TUB: variants seen among roughly 807,000 people sequenced by gnomAD.
TUB encodes TUB bipartite transcription factor, also known as tubby protein homolog.
TUB carries 33 observed loss-of-function variants against 59.7 expected under a neutral mutation model. The observed-to-expected ratio is 0.55, with a 90% CI of 0.42 to 0.74. TUB has a LOEUF of 0.74. Among genes scored for constraint, TUB ranks in the 30% least tolerant of loss-of-function variants. The pLI, the probability that TUB is intolerant of heterozygous loss-of-function variation, is 0.00. For synonymous variants in TUB, 293 were observed against 256.4 expected (o/e 1.14, Z -1.36); for missense variants, 659 against 672.0 (o/e 0.98, Z 0.21).
At chr11:8,100,358 G>A (rs1944219171) in intron 9 of TUB, 145 bp from the exon 10 acceptor site, 4 of 671,210 alleles carry the variant, frequency 6.0e-6, no homozygotes, top group Non-Finnish European at 1.1e-5. Context: ...CTCAGTTCTG[G>A]CCGTGTTAGG....
At chr11:8,063,257 C>T (rs565093800) in intron 2 of TUB, among the ~76,000 whole-genome samples, 53 of 152,296 alleles carry the variant, frequency 3.5e-4, no homozygotes, top group African/African-American at 1.0e-3. Context: ...GAAATCTCCT[C>T]CACGGAGTTC....
At chr11:8,077,257 C>T (rs1334136706), upstream of TUB, 1 of 152,244 alleles carries the variant, frequency 6.6e-6, no homozygotes, top group Non-Finnish European at 1.5e-5. Flanking sequence ...CTGGGAACCA[C>T]ATCCTTAGAA....
At chr11:8,049,574 T>TAG (rs1554923425) in intron 2 of TUB, among the ~76,000 whole-genome samples, 1 of 89,714 alleles carries the variant, frequency 1.1e-5, no homozygotes, top group African/African-American at 4.2e-5. Context: ...TATATATATA[T>TAG]ATATATAGAT....
chr11:8,085,717 C>T (rs1272392713), intron 1 of TUB, among the ~76,000 whole-genome samples: 1 of 152,180 alleles, frequency 6.6e-6, no homozygotes, highest in Admixed American at 6.5e-5. Context: ...GGGTCTGTCC[C>T]TAGATTCCCT....
intron 1 of TUB, among the ~76,000 whole-genome samples, chr11:8,025,512 C>T (rs1942488659): frequency 6.6e-6 from 1 of 152,180 alleles, no homozygotes; most frequent in Admixed American, 6.5e-5. Context: ...GCACCCACTC[C>T]ACCCATCCTC....
At chr11:8,085,954 C>T (rs994687205) in intron 1 of TUB, among the ~76,000 whole-genome samples, 3 of 152,128 alleles carry the variant, frequency 2.0e-5, no homozygotes, top group African/African-American at 7.2e-5. Flanking sequence ...GGCAGGTTCC[C>T]TGGGAGGTGA....
intron 2 of TUB, among the ~76,000 whole-genome samples, chr11:8,042,204 T>G (rs1215507119): frequency 6.6e-6 from 1 of 152,072 alleles, no homozygotes; most frequent in African/African-American, 2.4e-5. Flanking sequence ...ATTCTGGACA[T>G]TTCATGTAAA....
chr11:8,093,544 T>A (rs912876494), intron 3 of TUB, among the ~76,000 whole-genome samples: 1 of 152,294 alleles, frequency 6.6e-6, no homozygotes, highest in African/African-American at 2.4e-5. Context: ...TAGCTTCTTG[T>A]GTCCCAGAGT....
intron 1 of TUB, among the ~76,000 whole-genome samples, chr11:8,086,516 G>T (rs972253198): frequency 1.3e-5 from 2 of 152,152 alleles, no homozygotes; most frequent in African/African-American, 4.8e-5. Context: ...TTATTCACCA[G>T]GGAGAGTTGT....
At chr11:8,026,471 A>C (rs1409478227) in intron 1 of TUB, among the ~76,000 whole-genome samples, 1 of 36,292 alleles carries the variant, frequency 2.8e-5, no homozygotes, top group Non-Finnish European at 6.5e-5. Flanking sequence ...TATGAGATTC[A>C]TTAAAAAAAA....
At chr11:8,074,827 A>G (rs1289440293) in intron 2 of TUB, among the ~76,000 whole-genome samples, 1 of 130,984 alleles carries the variant, frequency 7.6e-6, no homozygotes, top group Non-Finnish European at 1.5e-5. Flanking sequence ...GCTCACTACA[A>G]CCTCCGCCTC....
At chr11:8,059,369 C>A (rs890303884) in intron 2 of TUB, among the ~76,000 whole-genome samples, 1 of 152,142 alleles carries the variant, frequency 6.6e-6, no homozygotes, top group Non-Finnish European at 1.5e-5. Flanking sequence ...AAGAAATTGC[C>A]CAGCTGAGGC....
chr11:8,069,701 G>GT (rs201579247), intron 2 of TUB, among the ~76,000 whole-genome samples: 25 of 150,608 alleles, frequency 1.7e-4, no homozygotes, highest in South Asian at 4.2e-4. Context: ...TTTTGCTGTT[G>GT]TTTTTTTTTC....
chr11:8,095,681 A>G lies in TUB; in HGVS notation c.565+16A>G, dbSNP rs11041739. 1,575,755 of 1,576,630 alleles carry G rather than the reference A, an allele frequency of 1. 787,445 individuals are homozygous for G. The highest frequency in any genetic ancestry group is 1 in the East Asian group (42,892 of 42,892). On this transcript the variant is annotated intron_variant, in intron 5 of 11. Coordinates refer to ENST00000299506, the MANE Select transcript of TUB (RefSeq NM_177972.3). Reference sequence around the variant, plus strand: ...CAGAGGAAGGGTGAGCCCCATGGGGACCCAGTGATACCCCCAAAACTCAGT... The same window carrying G: ...CAGAGGAAGGGTGAGCCCCATGGGGGCCCAGTGATACCCCCAAAACTCAGT...
At chr11:8,038,231 G>C (rs1332014709), upstream of TUB, among the ~76,000 whole-genome samples, 1 of 152,194 alleles carries the variant, frequency 6.6e-6, no homozygotes, top group Admixed American at 6.5e-5. Context: ...GTAGAGTTTA[G>C]AAGAGGGCTG....
chr11:8,070,707 G>A (rs1236110122), intron 2 of TUB, among the ~76,000 whole-genome samples: 1 of 152,192 alleles, frequency 6.6e-6, no homozygotes, highest in Non-Finnish European at 1.5e-5. Flanking sequence ...ATAGGGCTTT[G>A]GCTTGCGGGG....
At chr11:8,045,530 C>T (rs545206775) in intron 2 of TUB, among the ~76,000 whole-genome samples, 80 of 152,298 alleles carry the variant, frequency 5.3e-4, no homozygotes, top group African/African-American at 1.8e-3. Context: ...GGTTGAGTAT[C>T]CGGAATATCC....
chr11:8,035,016 A>G (rs967892975), upstream of TUB, among the ~76,000 whole-genome samples: 3 of 152,210 alleles, frequency 2.0e-5, no homozygotes, highest in African/African-American at 4.8e-5. Flanking sequence ...TGCGTTTTCA[A>G]TGGCACTGTG....
intron 2 of TUB, among the ~76,000 whole-genome samples, chr11:8,055,473 C>A (rs528395718): frequency 3.3e-5 from 5 of 152,264 alleles, no homozygotes; most frequent in Admixed American, 3.3e-4. Flanking sequence ...ATCTGCCCAT[C>A]ATGGGCCCCA....
Sources: allele counts gnomAD v4.1 joint callset (sites outside exome capture counted in the v4.1 genomes callset), GRCh38; gene constraint gnomAD v4.1.1; transcripts MANE v1.5; gene names NCBI Gene and HGNC (gene_info 2026-07-23, HGNC 2026-07-21).